ANKRD31: variants seen among roughly 807,000 people sequenced by gnomAD.
ANKRD31 encodes the protein ankyrin repeat domain-containing protein 31.
Under a neutral mutation model 186.0 loss-of-function variants are expected in ANKRD31, and 147 were observed. The ratio of observed to expected loss-of-function variants is 0.79; its 90% confidence interval spans 0.69 to 0.91. The LOEUF (loss-of-function observed/expected upper bound fraction) is 0.91. Among genes scored for constraint, ANKRD31 ranks in the 40% least tolerant of loss-of-function variants. ANKRD31 has a pLI of 0.00. For missense variants in ANKRD31, 1,986 were observed against 2,148.8 expected (o/e 0.92, Z 1.50); for synonymous variants, 673 against 736.4 (o/e 0.91, Z 1.39).
chr5:75,181,309 T>C (rs1210734597), intron 10 of ANKRD31, among the ~76,000 whole-genome samples: 1 of 152,110 alleles, frequency 6.6e-6, no homozygotes. Flanking sequence ...AGTTCAACCA[T>C]TGTGGAAGTC....
At chr5:75,081,925 T>TG (rs1433721513) in intron 24 of ANKRD31, among the ~76,000 whole-genome samples, 1 of 152,204 alleles carries the variant, frequency 6.6e-6, no homozygotes, top group Non-Finnish European at 1.5e-5. Flanking sequence ...AGAGTCACTT[T>TG]AAAAAATTCA....
chr5:75,145,854 A>G, intron 14 of ANKRD31, 133 bp downstream of exon 14: 1 of 733,460 alleles, frequency 1.4e-6, no homozygotes, highest in African/African-American at 1.8e-5. Context: ...GTTTAGTGGC[A>G]TCTCAAAATA....
At chr5:75,111,226 G>A (rs1747758004) in intron 20 of ANKRD31, among the ~76,000 whole-genome samples, 1 of 151,606 alleles carries the variant, frequency 6.6e-6, no homozygotes, top group African/African-American at 2.4e-5. Context: ...TGGGGAGGGG[G>A]GCCTGGAAAT....
intron 4 of ANKRD31, among the ~76,000 whole-genome samples, chr5:75,209,902 T>C (rs986918869): frequency 1.3e-5 from 2 of 152,214 alleles, no homozygotes; most frequent in Admixed American, 6.5e-5. Flanking sequence ...TGACTACTAA[T>C]ATTCTTTGGT....
intron 25 of ANKRD31, among the ~76,000 whole-genome samples, chr5:75,070,711 G>A (rs1356001869): frequency 1.3e-5 from 2 of 152,206 alleles, no homozygotes; most frequent in Non-Finnish European, 2.9e-5. Context: ...ATTTTCACGG[G>A]CATCTTCCTG....
intron 6 of ANKRD31, among the ~76,000 whole-genome samples, chr5:75,196,720 G>T (rs548271826): frequency 7.2e-5 from 11 of 152,120 alleles, no homozygotes; most frequent in Non-Finnish European, 1.0e-4. Flanking sequence ...GTGGAGAAAT[G>T]AGGGTACAGT....
chr5:75,073,359 A>G lies in ANKRD31; in HGVS notation c.5648-4695T>C, dbSNP rs940543319. On this transcript the variant is annotated intron_variant, in intron 25 of 25. Transcript: ENST00000506364. The stretch of plus-strand genomic sequence containing the variant: ...GCTTGTTTTAAAGGGAGGACCAGAC[A>G]CACTTCAAATAAGGTGAGCTTCATC... Among the ~76,000 whole-genome samples, 19 of 152,140 alleles carry G rather than the reference A, an allele frequency of 1.2e-4. 1 individual carries two copies. The highest frequency in any genetic ancestry group is 4.3e-4 in the African/African-American group (18 of 41,438).
At position 75,206,499 on chromosome 5, in the gene ANKRD31, A is replaced by G; in HGVS notation, c.327-12T>C. The G allele has an allele frequency of 2.2e-6, 3 of 1,375,708 alleles. No homozygotes were observed. Among genetic ancestry groups the G allele is most frequent in the Non-Finnish European group, 2.8e-6 (3 of 1,056,830 alleles). 85.2% of individuals were successfully genotyped at this position (1,375,708 alleles called of 1,614,324 possible). On this transcript the variant is annotated splice_polypyrimidine_tract_variant and intron_variant, in intron 4 of 25. Coordinates refer to ENST00000506364, the MANE Select transcript of ANKRD31 (RefSeq NM_001372053.1). ...AGTTTTTTCTAGTCCTAAAAAATCA[A>G]TTAATAAAAATAAATTTTAAAATGG... is the stretch of plus-strand genomic sequence containing the variant.
intron 23 of ANKRD31, among the ~76,000 whole-genome samples, chr5:75,090,942 A>G (rs937142845): frequency 6.6e-6 from 1 of 152,198 alleles, no homozygotes; most frequent in African/African-American, 2.4e-5. Flanking sequence ...AAGACCTGAA[A>G]TCCCTTGGGA....
intron 22 of ANKRD31, among the ~76,000 whole-genome samples, chr5:75,103,793 G>A (rs1747106774): frequency 6.6e-6 from 1 of 152,146 alleles, no homozygotes; most frequent in African/African-American, 2.4e-5. Context: ...AGTGGGAGCT[G>A]AACAATGAGA....
intron 3 of ANKRD31, among the ~76,000 whole-genome samples, chr5:75,219,431 C>CA (rs1757155496): frequency 1.3e-5 from 2 of 151,682 alleles, no homozygotes; most frequent in South Asian, 4.2e-4. Context: ...AAGCAACAAA[C>CA]AAAAAAAGTA....
In ANKRD31 at chr5:75,104,227, C is replaced by T; in HGVS notation, c.5331+1G>A. On this transcript the variant is annotated splice_donor_variant, in intron 22 of 25. Coordinates refer to ENST00000506364, the MANE Select transcript of ANKRD31 (RefSeq NM_001372053.1). LOFTEE classifies it high-confidence loss of function. ...ATTTTAGAGAAAAAAATATAGAATA[C>T]CTGTGTTTTGAATTCCAGAATGTTA... The T allele has an allele frequency of 6.7e-7, 1 of 1,489,332 alleles. No individual in the cohort carries two copies. The highest frequency in any genetic ancestry group is 8.9e-7 in the Non-Finnish European group (1 of 1,123,516). The allele number at this position is 1,489,332 out of a possible 1,614,324, so 92.3% of individuals were successfully genotyped here.
chr5:75,103,181 T>C (rs894835215), intron 22 of ANKRD31, among the ~76,000 whole-genome samples: 11 of 152,212 alleles, frequency 7.2e-5, no homozygotes, highest in Non-Finnish European at 1.6e-4. Context: ...TAGGGAATCA[T>C]TTCCCCATTG....
intron 11 of ANKRD31, among the ~76,000 whole-genome samples, chr5:75,162,218 G>A (rs923126725): frequency 9.2e-5 from 14 of 152,230 alleles, no homozygotes; most frequent in Non-Finnish European, 4.4e-5. Flanking sequence ...AAGCCACAAA[G>A]GCAGAGCTGC....
chr5:75,075,419 T>C (rs1744554370), intron 25 of ANKRD31, among the ~76,000 whole-genome samples: 1 of 152,230 alleles, frequency 6.6e-6, no homozygotes, highest in South Asian at 2.1e-4. Context: ...TGCCTAGCAC[T>C]TTTTGATACT....
intron 20 of ANKRD31, among the ~76,000 whole-genome samples, chr5:75,110,570 C>A (rs1487682587): frequency 6.6e-6 from 1 of 151,450 alleles, no homozygotes; most frequent in African/African-American, 2.4e-5. Context: ...ATTAGCTGGG[C>A]ATGGTGCATG....
chr5:75,208,368 G>T (rs1160354007), intron 4 of ANKRD31, among the ~76,000 whole-genome samples: 1 of 151,964 alleles, frequency 6.6e-6, no homozygotes, highest in African/African-American at 2.4e-5. Flanking sequence ...AAAATTGAAA[G>T]GCCTGAGAAA....
chr5:75,132,781 CCACAAAGGGAAGCCCATCAGA>C (rs1749981034), intron 17 of ANKRD31, among the ~76,000 whole-genome samples: 2 of 152,090 alleles, frequency 1.3e-5, no homozygotes, highest in African/African-American at 4.8e-5. Context: ...GTCGAGTTAC[CCACAAAGGGAAGCCCATCAGA>C]CTAACAGTGG....
chr5:75,097,325 T>C lies in ANKRD31; in HGVS notation c.5332-5924A>G, dbSNP rs151054242. On this transcript the variant is annotated intron_variant, in intron 22 of 25. Transcript: ENST00000506364. ...TCCACATCCTCTCCAGCACCTGTTG[T>C]TTCCTGACTTTTTAATGATTGCCAT... Among the ~76,000 whole-genome samples, 368 of 152,298 alleles carry C rather than the reference T, an allele frequency of 2.4e-3. 8 individuals are homozygous for C. The East Asian group carries it at 0.062, about 26-fold the overall frequency.
Sources: gnomAD v4.1 joint callset for allele counts (sites outside exome capture counted in the v4.1 genomes callset) on GRCh38, gnomAD v4.1.1 for gene constraint, MANE v1.5 for transcripts, NCBI Gene and HGNC (gene_info 2026-07-23, HGNC 2026-07-21) for gene names.